The following TMEM117 variants were observed in gnomAD, a reference collection of about 807,000 sequenced individuals.
TMEM117 encodes transmembrane protein 117.
A neutral mutation model predicts 52.4 loss-of-function variants in TMEM117; 27 were observed. The observed-to-expected ratio is 0.51, with a 90% CI of 0.38 to 0.71. The LOEUF (loss-of-function observed/expected upper bound fraction) is 0.71, where lower values mean the gene tolerates loss of function less well. Ranked by LOEUF, TMEM117 falls within the 30% of genes least tolerant of loss-of-function variation. TMEM117 has a pLI of 0.00. For missense variants in TMEM117, 556 were observed against 630.5 expected (o/e 0.88, Z 1.26); for synonymous variants, 215 against 206.3 (o/e 1.04, Z -0.36).
chr12:44,024,276 C>T (rs1237827347), intron 3 of TMEM117, among the ~76,000 whole-genome samples: 1 of 152,078 alleles, frequency 6.6e-6, no homozygotes. Context: ...ATATGCTGAG[C>T]AGCAGAAATG....
chr12:43,887,022 A>G (rs1341330660), intron 2 of TMEM117, among the ~76,000 whole-genome samples: 1 of 151,814 alleles, frequency 6.6e-6, no homozygotes, highest in Non-Finnish European at 1.5e-5. Context: ...TAATTTTTAT[A>G]TGTTTCTGTA....
chr12:44,391,944 A>G (rs913952941), downstream of TMEM117, among the ~76,000 whole-genome samples: 1 of 151,956 alleles, frequency 6.6e-6, no homozygotes, highest in South Asian at 2.1e-4. Context: ...TCAGAACCCA[A>G]CTCTGACCTA....
At chr12:44,236,206 A>AGC (rs1565622085) in intron 5 of TMEM117, among the ~76,000 whole-genome samples, 2 of 150,850 alleles carry the variant, frequency 1.3e-5, no homozygotes, top group African/African-American at 4.9e-5. Flanking sequence ...AGAGAGAGAG[A>AGC]GCGCCATTGT....
chr12:44,152,679 T>G lies in TMEM117; in HGVS notation c.510+9055T>G, dbSNP rs1200264600. Reference sequence around the variant, plus strand: ...ATTTATATCATATATAATTTTTATATATATAATATTTATATATAAATTTTT... The same window carrying G: ...ATTTATATCATATATAATTTTTATAGATATAATATTTATATATAAATTTTT... On this transcript the variant is annotated intron_variant, in intron 4 of 7. Coordinates refer to ENST00000266534, the MANE Select transcript of TMEM117 (RefSeq NM_032256.3). Among the ~76,000 whole-genome samples the G allele has an allele frequency of 7.5e-5, 10 of 133,724 alleles. No homozygotes were observed. In the East Asian group the frequency reaches 1.7e-3, roughly 23 times the overall value. 87.7% of individuals were successfully genotyped at this position (133,724 alleles called of 152,430 possible).
At chr12:44,067,517 C>T (rs1162380383) in intron 3 of TMEM117, among the ~76,000 whole-genome samples, 1 of 152,194 alleles carries the variant, frequency 6.6e-6, no homozygotes. Context: ...CCTTGTACAT[C>T]TCCCTCAGAG....
At chr12:44,153,828 T>G (rs1331283209) in intron 4 of TMEM117, among the ~76,000 whole-genome samples, 1 of 152,016 alleles carries the variant, frequency 6.6e-6, no homozygotes, top group Non-Finnish European at 1.5e-5. Flanking sequence ...CAGAAAGAGA[T>G]TTATAGCAAT....
chr12:44,021,637 C>G (rs1946457350), intron 3 of TMEM117, among the ~76,000 whole-genome samples: 1 of 152,194 alleles, frequency 6.6e-6, no homozygotes, highest in Non-Finnish European at 1.5e-5. Flanking sequence ...TGAATCTGCA[C>G]CCAGCATCTG....
chr12:44,118,274 T>C (rs1948178467), intron 3 of TMEM117, among the ~76,000 whole-genome samples: 1 of 152,182 alleles, frequency 6.6e-6, no homozygotes, highest in Non-Finnish European at 1.5e-5. Flanking sequence ...CATTGAGTAA[T>C]GATCCAGATT....
chr12:44,357,963 C>T (rs1023586706), intron 6 of TMEM117, among the ~76,000 whole-genome samples: 2 of 152,222 alleles, frequency 1.3e-5, no homozygotes, highest in Non-Finnish European at 2.9e-5. Flanking sequence ...AAATGTGGTA[C>T]ATTTACACCA....
intron 5 of TMEM117, among the ~76,000 whole-genome samples, chr12:44,254,011 C>CAAAAAAAAAAAA (rs199912435): frequency 1.1e-5 from 1 of 90,094 alleles, no homozygotes; most frequent in Non-Finnish European, 2.5e-5. Flanking sequence ...CTCATTTGAC[C>CAAAAAAAAAAAA]AAAAAAAAAA....
intron 4 of TMEM117, among the ~76,000 whole-genome samples, chr12:44,210,293 C>T (rs763119757): frequency 6.6e-6 from 1 of 151,988 alleles, no homozygotes; most frequent in Non-Finnish European, 1.5e-5. Flanking sequence ...TTATGTAACA[C>T]TTTTTTAAAG....
intron 3 of TMEM117, among the ~76,000 whole-genome samples, chr12:44,132,604 A>G (rs566020454): frequency 3.9e-5 from 6 of 152,286 alleles, no homozygotes; most frequent in African/African-American, 9.6e-5. Flanking sequence ...AGTCAATACA[A>G]CAAAGAAAGC....
intron 6 of TMEM117, among the ~76,000 whole-genome samples, chr12:44,361,881 G>GT (rs1451498134): frequency 6.6e-6 from 1 of 152,118 alleles, no homozygotes; most frequent in African/African-American, 2.4e-5. Flanking sequence ...TTCCATCATT[G>GT]TTTGATTAGT....
chr12:44,363,526 C>T (rs1031037075), intron 6 of TMEM117, among the ~76,000 whole-genome samples: 22 of 152,074 alleles, frequency 1.4e-4, no homozygotes, highest in African/African-American at 5.3e-4. Flanking sequence ...ATTGTCAGGG[C>T]ATGATTAATC....
intron 2 of TMEM117, among the ~76,000 whole-genome samples, chr12:43,905,105 T>G (rs189571998): frequency 2.9e-4 from 44 of 151,876 alleles, no homozygotes; most frequent in Middle Eastern, 3.4e-3. Flanking sequence ...ATGGTGCCAT[T>G]GCACTCCACC....
intron 2 of TMEM117, among the ~76,000 whole-genome samples, chr12:43,890,353 A>G (rs1459112268): frequency 1.3e-5 from 2 of 152,154 alleles, no homozygotes; most frequent in African/African-American, 2.4e-5. Flanking sequence ...AAATCTGTCA[A>G]TAAATCTCAC....
At chr12:44,240,849 AGCT>A (rs1404329105) in intron 5 of TMEM117, among the ~76,000 whole-genome samples, 4 of 152,218 alleles carry the variant, frequency 2.6e-5, no homozygotes, top group Admixed American at 6.6e-5. Flanking sequence ...AGTTGAATGA[AGCT>A]ATATGTATGT....
intron 3 of TMEM117, among the ~76,000 whole-genome samples, chr12:44,026,838 A>T (rs976187292): frequency 6.6e-6 from 1 of 151,932 alleles, no homozygotes; most frequent in Non-Finnish European, 1.5e-5. Context: ...TATATCCTTA[A>T]ATAGTTGTGT....
intron 5 of TMEM117, among the ~76,000 whole-genome samples, chr12:44,218,027 T>G (rs780871251): frequency 1.3e-5 from 2 of 151,952 alleles, no homozygotes; most frequent in Admixed American, 6.6e-5. Flanking sequence ...AGTTCGAGAC[T>G]AGACTGACCA....
Sources: gnomAD v4.1 joint callset for allele counts (sites outside exome capture counted in the v4.1 genomes callset) on GRCh38, gnomAD v4.1.1 for gene constraint, MANE v1.5 for transcripts, NCBI Gene and HGNC (gene_info 2026-07-23, HGNC 2026-07-21) for gene names.